The following SHISA9 variants were observed in gnomAD, a reference collection of about 807,000 sequenced individuals.
SHISA9 encodes the protein protein shisa-9.
A neutral mutation model predicts 38.0 loss-of-function variants in SHISA9; 13 were observed. That is an observed-to-expected ratio of 0.34 (90% CI 0.22 to 0.54). The LOEUF is 0.54. Ranked by LOEUF, SHISA9 falls within the 20% of genes least tolerant of loss-of-function variation. The pLI is 0.91. For synonymous variants in SHISA9, 275 were observed against 242.0 expected (o/e 1.14, Z -1.27); for missense variants, 538 against 575.8 (o/e 0.93, Z 0.67).
the SHISA9 span, among the ~76,000 whole-genome samples, chr16:13,389,578 A>T: frequency 1.2e-4 from 19 of 152,194 alleles, 1 homozygote; most frequent in Non-Finnish European, 2.6e-4. Flanking sequence ...AAGGATATAG[A>T]TATTTTATTG....
intron 1 of SHISA9, among the ~76,000 whole-genome samples, chr16:12,914,173 G>A (rs1300016127): frequency 1.3e-5 from 2 of 151,288 alleles, no homozygotes; most frequent in African/African-American, 4.9e-5. Context: ...AGCCTCCCGA[G>A]TAGCTGGGAC....
At chr16:12,914,784 G>A (rs545208935) in intron 1 of SHISA9, among the ~76,000 whole-genome samples, 1 of 152,332 alleles carries the variant, frequency 6.6e-6, no homozygotes, top group South Asian at 2.1e-4. Context: ...ATTTGAATGT[G>A]TAGCAGATTC....
chr16:13,069,242 T>C (rs1435082033), intron 2 of SHISA9, among the ~76,000 whole-genome samples: 2 of 152,170 alleles, frequency 1.3e-5, no homozygotes, highest in African/African-American at 4.8e-5. Context: ...TATATATGTG[T>C]ATGTGTATAT....
At chr16:13,219,881 C>G (rs1353670560) in intron 4 of SHISA9, among the ~76,000 whole-genome samples, 3 of 152,044 alleles carry the variant, frequency 2.0e-5, no homozygotes, top group African/African-American at 7.2e-5. Context: ...TCACTTGAAC[C>G]CAGGAGGCGG....
chr16:13,376,169 G>C, the SHISA9 span, among the ~76,000 whole-genome samples: 1 of 152,144 alleles, frequency 6.6e-6, no homozygotes, highest in Non-Finnish European at 1.5e-5. Context: ...CATCATTTTG[G>C]TTCACATTCC....
the SHISA9 span, among the ~76,000 whole-genome samples, chr16:13,448,866 TAA>T: frequency 1.3e-5 from 2 of 152,222 alleles, no homozygotes; most frequent in African/African-American, 4.8e-5. Context: ...ATCCAGGTGA[TAA>T]GAGTGTAAAT....
chr16:13,276,249 C>G, the SHISA9 span, among the ~76,000 whole-genome samples: 1 of 136,832 alleles, frequency 7.3e-6, no homozygotes, highest in Non-Finnish European at 1.5e-5. Context: ...TTAATTTATT[C>G]CTTTTTATTG....
In SHISA9 at chr16:13,235,467, AC is replaced by A; in HGVS notation, c.*62del. ...ACTCAACTGAGAGAGGCAAAAAACAACCCCGCCCACACCCTCCCCATCCTCC... is the reference window on the plus strand; with the variant it reads ...ACTCAACTGAGAGAGGCAAAAAACAACCCGCCCACACCCTCCCCATCCTCC... On this transcript the variant is annotated 3_prime_UTR_variant, in exon 5 of 5. Transcript: ENST00000558583. 6.8e-7 allele frequency: 1 copy of A among 1,471,436 alleles called. No individual in the cohort carries two copies. Among genetic ancestry groups the A allele is most frequent in the Non-Finnish European group, 9.0e-7 (1 of 1,112,732 alleles). 91.1% of individuals were successfully genotyped at this position (1,471,436 alleles called of 1,614,324 possible).
the SHISA9 span, among the ~76,000 whole-genome samples, chr16:13,351,105 T>A: frequency 0.079 from 12,064 of 152,264 alleles, 657 homozygotes; most frequent in South Asian, 0.22. Context: ...ATCCCCATCA[T>A]ACTGGTGAGG....
At chr16:13,152,283 G>GACAC (rs2050506438) in intron 2 of SHISA9, among the ~76,000 whole-genome samples, 1 of 152,048 alleles carries the variant, frequency 6.6e-6, no homozygotes, top group Non-Finnish European at 1.5e-5. Flanking sequence ...TACAAGTCAG[G>GACAC]AGAGGTTGTC....
chr16:13,439,161 C>T, the SHISA9 span, among the ~76,000 whole-genome samples: 78 of 152,184 alleles, frequency 5.1e-4, 1 homozygote, highest in African/African-American at 1.6e-3. Flanking sequence ...AGAGATGGAC[C>T]CTATGTCTCC....
chr16:13,143,322 T>C (rs1348943979), intron 2 of SHISA9, among the ~76,000 whole-genome samples: 1 of 152,070 alleles, frequency 6.6e-6, no homozygotes, highest in Non-Finnish European at 1.5e-5. Flanking sequence ...TCCTTTATTC[T>C]AATTAGCCTG....
At chr16:13,522,406 C>G in the SHISA9 span, among the ~76,000 whole-genome samples, 2 of 152,108 alleles carry the variant, frequency 1.3e-5, no homozygotes, top group Admixed American at 6.5e-5. Flanking sequence ...GGCCCCTCCC[C>G]CTCAGTGGTT....
At chr16:13,043,761 C>T (rs1156863720) in intron 2 of SHISA9, among the ~76,000 whole-genome samples, 1 of 144,166 alleles carries the variant, frequency 6.9e-6, no homozygotes, top group Non-Finnish European at 1.5e-5. Context: ...GCCTTAATAG[C>T]TTAGATTTAT....
intron 2 of SHISA9, among the ~76,000 whole-genome samples, chr16:13,038,571 T>G (rs1006014279): frequency 2.0e-5 from 3 of 152,216 alleles, no homozygotes; most frequent in Non-Finnish European, 4.4e-5. Context: ...AACGCTTGCA[T>G]CCTTCTCTGT....
At chr16:12,930,172 T>C (rs925050187) in intron 2 of SHISA9, among the ~76,000 whole-genome samples, 1 of 152,248 alleles carries the variant, frequency 6.6e-6, no homozygotes. Context: ...TGCCTAGAAC[T>C]GTGCCTGGCA....
the SHISA9 span, among the ~76,000 whole-genome samples, chr16:13,405,599 G>T: frequency 0.61 from 92,004 of 152,028 alleles, 27,927 homozygotes; most frequent in East Asian, 0.67. Flanking sequence ...TAGTAACCAA[G>T]AGTTAGTTTT....
chr16:13,366,081 A>AT, the SHISA9 span, among the ~76,000 whole-genome samples: 2 of 152,206 alleles, frequency 1.3e-5, no homozygotes, highest in Non-Finnish European at 2.9e-5. Flanking sequence ...TGGTGCTTTT[A>AT]TATCACTGTG....
At chr16:13,467,952 G>A in the SHISA9 span, among the ~76,000 whole-genome samples, 10 of 152,212 alleles carry the variant, frequency 6.6e-5, no homozygotes, top group South Asian at 6.2e-4. Flanking sequence ...TGTACATGTC[G>A]CTATCCTTCA....
Sources: allele counts gnomAD v4.1 joint callset (sites outside exome capture counted in the v4.1 genomes callset), GRCh38; gene constraint gnomAD v4.1.1; transcripts MANE v1.5; gene names NCBI Gene and HGNC (gene_info 2026-07-23, HGNC 2026-07-21).